The following ZNF704 variants were observed in gnomAD, a reference collection of about 807,000 sequenced individuals.
ZNF704 encodes the protein glucocorticoid induced gene 1.
Under a neutral mutation model 44.7 loss-of-function variants are expected in ZNF704, and 10 were observed. The ratio of observed to expected loss-of-function variants is 0.22; its 90% CI spans 0.14 to 0.38. The LOEUF (loss-of-function observed/expected upper bound fraction) is 0.38, where lower values mean the gene tolerates loss of function less well. Among genes scored for constraint, ZNF704 ranks in the 10% least tolerant of loss-of-function variants. The probability of loss-of-function intolerance (pLI) is 1.00; values close to 1 mark genes in which losing one functional copy is unlikely to be tolerated. For missense variants in ZNF704, 390 were observed against 545.5 expected (o/e 0.71, Z 2.84); for synonymous variants, 211 against 207.6 (o/e 1.02, Z -0.14).
chr8:80,853,329 C>T (rs1268892151), intron 1 of ZNF704, among the ~76,000 whole-genome samples: 2 of 152,202 alleles, frequency 1.3e-5, no homozygotes, highest in Non-Finnish European at 2.9e-5. Flanking sequence ...GTTTGCACCA[C>T]TGCACTCCAG....
intron 2 of ZNF704, among the ~76,000 whole-genome samples, chr8:80,723,897 C>T (rs1387602168): frequency 6.6e-6 from 1 of 152,184 alleles, no homozygotes; most frequent in Non-Finnish European, 1.5e-5. Context: ...ACTGTTCCAA[C>T]ATTTCAAATG....
At chr8:80,665,721 A>T (rs555607723) in intron 5 of ZNF704, among the ~76,000 whole-genome samples, 80 of 152,272 alleles carry the variant, frequency 5.3e-4, no homozygotes, top group South Asian at 6.2e-4. Context: ...TAAAAAATAG[A>T]TATTTAATAT....
intron 2 of ZNF704, among the ~76,000 whole-genome samples, chr8:80,819,728 T>C (rs1586050531): frequency 6.6e-6 from 1 of 152,202 alleles, no homozygotes; most frequent in East Asian, 1.9e-4. Flanking sequence ...CATGTATTTA[T>C]ACGAAAAACA....
intron 2 of ZNF704, among the ~76,000 whole-genome samples, chr8:80,798,144 G>A (rs1337163315): frequency 6.6e-6 from 1 of 151,932 alleles, no homozygotes; most frequent in African/African-American, 2.4e-5. Context: ...CTTAGACATG[G>A]ACACAATGCA....
chr8:80,795,749 G>A (rs960986575), intron 2 of ZNF704, among the ~76,000 whole-genome samples: 1 of 151,356 alleles, frequency 6.6e-6, no homozygotes, highest in Non-Finnish European at 1.5e-5. Context: ...TATTTCTGTA[G>A]CTAATATAAC....
intron 2 of ZNF704, among the ~76,000 whole-genome samples, chr8:80,756,132 G>A (rs889890832): frequency 1.3e-5 from 2 of 151,402 alleles, no homozygotes; most frequent in Non-Finnish European, 2.9e-5. Flanking sequence ...TGTAGCTGAA[G>A]AGCTATAGTA....
intron 2 of ZNF704, among the ~76,000 whole-genome samples, chr8:80,752,559 G>A (rs1228636072): frequency 6.7e-6 from 1 of 149,860 alleles, no homozygotes; most frequent in Non-Finnish European, 1.5e-5. Context: ...AAAAAAAAAC[G>A]AAACAGAGTT....
Position 80,781,951 on chromosome 8 carries a change from G to C in ZNF704, c.221+39423C>G, listed in dbSNP as rs1807530630. 1.3e-5 allele frequency among the ~76,000 whole-genome samples: 2 copies of C among 152,140 alleles called. 1 individual carries two copies. The highest frequency in any genetic ancestry group is 4.1e-4 in the South Asian group (2 of 4,828). On this transcript the variant is annotated intron_variant, in intron 2 of 8. Coordinates refer to ENST00000327835, the MANE Select transcript of ZNF704 (RefSeq NM_001033723.3). ...GTCTCAAATTCACTCTAATGTATAG[G>C]AATAGTCCTTCATAGACATCAGTTA...
At chr8:80,694,182 A>T (rs536685361) in intron 2 of ZNF704, 3 of 152,326 alleles carry the variant, frequency 2.0e-5, no homozygotes, top group Admixed American at 6.5e-5. Flanking sequence ...AAAATTTTTT[A>T]AAACTACTTA....
intron 1 of ZNF704, among the ~76,000 whole-genome samples, chr8:80,849,215 TA>T (rs1199331092): frequency 6.6e-6 from 1 of 152,142 alleles, no homozygotes; most frequent in Non-Finnish European, 1.5e-5. Context: ...CCAAGGCAAA[TA>T]AACCTCATTT....
intron 2 of ZNF704, among the ~76,000 whole-genome samples, chr8:80,794,813 C>A (rs1173340251): frequency 6.6e-6 from 1 of 152,142 alleles, no homozygotes; most frequent in Non-Finnish European, 1.5e-5. Flanking sequence ...GACAAAATTG[C>A]AACTAAACTT....
At chr8:80,838,190 T>A (rs1808613274) in intron 1 of ZNF704, among the ~76,000 whole-genome samples, 2 of 152,180 alleles carry the variant, frequency 1.3e-5, no homozygotes, top group African/African-American at 4.8e-5. Flanking sequence ...ATCTTCTTCA[T>A]GGGTTAAATA....
chr8:80,659,418 G>A (rs1185363053), intron 7 of ZNF704, among the ~76,000 whole-genome samples, 167 bp downstream of exon 7: 2 of 152,128 alleles, frequency 1.3e-5, no homozygotes, highest in East Asian at 1.9e-4. Context: ...ACACCTTTTC[G>A]AAAAGAAGTG....
intron 2 of ZNF704, among the ~76,000 whole-genome samples, chr8:80,783,795 C>T (rs775533910): frequency 4.6e-5 from 7 of 152,056 alleles, no homozygotes; most frequent in Non-Finnish European, 8.8e-5. Flanking sequence ...ATTGTGCCTT[C>T]TAAGGGTTAA....
chr8:80,782,072 G>T (rs1016898820), intron 2 of ZNF704, among the ~76,000 whole-genome samples: 2 of 152,168 alleles, frequency 1.3e-5, no homozygotes, highest in African/African-American at 4.8e-5. Flanking sequence ...TAGAGAATGG[G>T]CAGTTGCCTT....
chr8:80,829,900 A>G (rs566288475), intron 1 of ZNF704, among the ~76,000 whole-genome samples: 1 of 152,342 alleles, frequency 6.6e-6, no homozygotes, highest in East Asian at 1.9e-4. Context: ...AACTGTAAAG[A>G]TAAGTAAAAT....
intron 1 of ZNF704, among the ~76,000 whole-genome samples, chr8:80,861,708 C>T (rs1426290510): frequency 6.6e-6 from 1 of 151,742 alleles, no homozygotes; most frequent in Non-Finnish European, 1.5e-5. Flanking sequence ...TGGTATGCTC[C>T]CTCAATCCCA....
intron 7 of ZNF704, among the ~76,000 whole-genome samples, chr8:80,656,034 T>C (rs914725033): frequency 2.6e-5 from 4 of 152,182 alleles, no homozygotes; most frequent in Non-Finnish European, 5.9e-5. Context: ...TATTTGGACA[T>C]AGGGCCTTTA....
chr8:80,801,631 C>T (rs572716677), intron 2 of ZNF704, among the ~76,000 whole-genome samples: 1 of 152,116 alleles, frequency 6.6e-6, no homozygotes, highest in Non-Finnish European at 1.5e-5. Flanking sequence ...AACAAAGAGA[C>T]AACACATCAG....
Sources: allele counts gnomAD v4.1 joint callset (sites outside exome capture counted in the v4.1 genomes callset), GRCh38; gene constraint gnomAD v4.1.1; transcripts MANE v1.5; gene names NCBI Gene and HGNC (gene_info 2026-07-23, HGNC 2026-07-21).